The following RBFOX1 variants were observed in gnomAD, a reference collection of about 807,000 sequenced individuals.
The protein encoded by RBFOX1 is RNA binding protein fox-1 homolog 1.
A neutral mutation model predicts 57.7 loss-of-function variants in RBFOX1; 8 were observed. That is an observed-to-expected ratio of 0.14 (90% CI 0.08 to 0.25). The LOEUF (loss-of-function observed/expected upper bound fraction) is 0.25. Ranked by LOEUF, RBFOX1 falls within the 10% of genes least tolerant of loss-of-function variation. The probability of loss-of-function intolerance (pLI) is 1.00; values close to 1 mark genes in which losing one functional copy is unlikely to be tolerated. For missense variants in RBFOX1, 611 were observed against 548.5 expected (o/e 1.11, Z -1.14); for synonymous variants, 326 against 222.4 (o/e 1.47, Z -4.15).
intron 5 of RBFOX1, among the ~76,000 whole-genome samples, chr16:7,532,725 T>G (rs948033829): frequency 2.6e-5 from 4 of 152,254 alleles, no homozygotes; most frequent in African/African-American, 9.6e-5. Context: ...AATAAAGTTT[T>G]ATTGGAACAC....
At chr16:6,959,789 T>G (rs2082588228) in intron 3 of RBFOX1, among the ~76,000 whole-genome samples, 1 of 151,996 alleles carries the variant, frequency 6.6e-6, no homozygotes, top group Non-Finnish European at 1.5e-5. Flanking sequence ...GTACAAAAAT[T>G]AGCCGGGTGT....
At chr16:6,770,417 G>T (rs748689336) in intron 3 of RBFOX1, among the ~76,000 whole-genome samples, 3 of 152,128 alleles carry the variant, frequency 2.0e-5, no homozygotes, top group South Asian at 2.1e-4. Context: ...TAATAAAGTT[G>T]TATTATGTAT....
chr16:5,532,104 G>T (rs1291271996), intron 2 of RBFOX1, among the ~76,000 whole-genome samples: 1 of 152,150 alleles, frequency 6.6e-6, no homozygotes, highest in Non-Finnish European at 1.5e-5. Context: ...TGACTGTCAA[G>T]TTCTTCTTGA....
At chr16:5,422,374 A>G (rs1376809001) in intron 1 of RBFOX1, among the ~76,000 whole-genome samples, 1 of 68,150 alleles carries the variant, frequency 1.5e-5, no homozygotes, top group Non-Finnish European at 3.1e-5. Flanking sequence ...AGGGAGGAGC[A>G]GAGAAGAGAA....
chr16:7,440,449 C>T (rs1316447129), intron 4 of RBFOX1, among the ~76,000 whole-genome samples: 9 of 152,080 alleles, frequency 5.9e-5, no homozygotes, highest in Admixed American at 5.9e-4. Context: ...ATGTCCACAA[C>T]CCCAGTTAAT....
intron 4 of RBFOX1, among the ~76,000 whole-genome samples, chr16:7,184,274 C>G (rs1433619220): frequency 1.3e-5 from 2 of 152,084 alleles, no homozygotes; most frequent in Non-Finnish European, 2.9e-5. Context: ...AGTTTTAGGA[C>G]AATAGGAAGC....
At position 6,668,955 on chromosome 16, in the gene RBFOX1, T is replaced by C. The variant is rs186035682; in HGVS notation, c.-16+14305T>C. Reference sequence around the variant, plus strand: ...TTCTAAAAAGATGGCAGTGGCTTTTTTGTGATGAGTGGAGTGAACGTTAAT... The same window carrying C: ...TTCTAAAAAGATGGCAGTGGCTTTTCTGTGATGAGTGGAGTGAACGTTAAT... On this transcript the variant is annotated intron_variant, in intron 3 of 15. Coordinates refer to ENST00000550418, the MANE Select transcript of RBFOX1 (RefSeq NM_018723.4). 2.0e-5 allele frequency among the ~76,000 whole-genome samples: 3 copies of C among 152,358 alleles called. No individual in the cohort carries two copies. In the East Asian group the frequency reaches 5.8e-4, roughly 29 times the overall value.
intron 4 of RBFOX1, among the ~76,000 whole-genome samples, chr16:5,930,238 GA>G (rs2059021451): frequency 8.4e-6 from 1 of 118,926 alleles, no homozygotes; most frequent in African/African-American, 3.2e-5. Flanking sequence ...TGGATGGATG[GA>G]TGGATGCTTG....
chr16:7,462,565 G>A (rs141220116), intron 4 of RBFOX1, among the ~76,000 whole-genome samples: 1 of 152,338 alleles, frequency 6.6e-6, no homozygotes, highest in East Asian at 1.9e-4. Flanking sequence ...GTGTAACTTC[G>A]GCATGACTCA....
At chr16:6,096,898 C>A (rs1436531094) in intron 1 of RBFOX1, among the ~76,000 whole-genome samples, 1 of 152,304 alleles carries the variant, frequency 6.6e-6, no homozygotes, top group South Asian at 2.1e-4. Flanking sequence ...TTCCTCAGAC[C>A]TACTGAACCA....
rs78183336 is a variant in RBFOX1 at position 7,156,717 on chromosome 16, G to C, written c.27+104619G>C. On this transcript the variant is annotated intron_variant, in intron 4 of 15. Coordinates refer to ENST00000550418, the MANE Select transcript of RBFOX1 (RefSeq NM_018723.4). ...CCTTCTATGAGTGAGACATTTAATG[G>C]ATTCCTTATTGATGCATGTTAAATG... Among the ~76,000 whole-genome samples the C allele has an allele frequency of 7.9e-3, 1,201 of 152,068 alleles. 19 individuals carry two copies. The highest frequency in any genetic ancestry group is 0.027 in the African/African-American group (1,131 of 41,484).
intron 1 of RBFOX1, among the ~76,000 whole-genome samples, chr16:6,049,274 G>C (rs1370227719): frequency 1.3e-5 from 2 of 151,736 alleles, no homozygotes; most frequent in African/African-American, 2.4e-5. Flanking sequence ...ATATTGGTCA[G>C]GCTGGTCTCA....
At chr16:5,377,370 A>G (rs928062625) in intron 1 of RBFOX1, among the ~76,000 whole-genome samples, 1 of 151,382 alleles carries the variant, frequency 6.6e-6, no homozygotes, top group African/African-American at 2.5e-5. Context: ...TCACGTAAGC[A>G]GAGACTCGAG....
intron 1 of RBFOX1, among the ~76,000 whole-genome samples, chr16:6,256,605 TAGGAC>T (rs1311459971): frequency 6.6e-6 from 1 of 152,060 alleles, no homozygotes; most frequent in African/African-American, 2.4e-5. Flanking sequence ...AACATGTGCT[TAGGAC>T]AGGTGCTGGC....
In RBFOX1 at chr16:5,252,173, A is replaced by G. The variant is rs193123263; in HGVS notation, c.219+12068A>G. ...GAAGTGTGGAAGGGTGGGGACCCTC[A>G]TCACAGCCCTTGACTCTCTAAGGCA... On this transcript the variant is annotated intron_variant, in intron 1 of 2. Coordinates refer to the RBFOX1 transcript ENST00000585867. Among the ~76,000 whole-genome samples the G allele has an allele frequency of 1.2e-4, 19 of 152,314 alleles. No individual in the cohort carries two copies. In the East Asian group the frequency reaches 3.7e-3, roughly 29 times the overall value.
At chr16:5,518,867 C>T (rs937474280) in intron 2 of RBFOX1, among the ~76,000 whole-genome samples, 1 of 152,168 alleles carries the variant, frequency 6.6e-6, no homozygotes, top group Non-Finnish European at 1.5e-5. Context: ...ATCCCCCTAA[C>T]CCCCACTCCC....
At chr16:7,455,169 T>C (rs2058246999) in intron 4 of RBFOX1, among the ~76,000 whole-genome samples, 1 of 152,228 alleles carries the variant, frequency 6.6e-6, no homozygotes, top group Admixed American at 6.5e-5. Context: ...TAGATTTTGA[T>C]TGGAAATTCT....
chr16:6,099,134 T>G (rs1224498948), intron 1 of RBFOX1, among the ~76,000 whole-genome samples: 1 of 152,214 alleles, frequency 6.6e-6, no homozygotes, highest in African/African-American at 2.4e-5. Flanking sequence ...CGAACCCGAT[T>G]TGCTTTCTTT....
At chr16:7,443,263 C>T (rs1181508685) in intron 4 of RBFOX1, among the ~76,000 whole-genome samples, 1 of 151,866 alleles carries the variant, frequency 6.6e-6, no homozygotes, top group Non-Finnish European at 1.5e-5. Flanking sequence ...GATTCATATA[C>T]CAAAAGGCAA....
Sources: gnomAD v4.1 joint callset for allele counts (sites outside exome capture counted in the v4.1 genomes callset) on GRCh38, gnomAD v4.1.1 for gene constraint, MANE v1.5 for transcripts, NCBI Gene and HGNC (gene_info 2026-07-23, HGNC 2026-07-21) for gene names.